Variants in KRT4 observed in about 807,000 individuals in gnomAD.
The protein encoded by KRT4 is keratin 4.
In KRT4, 47 loss-of-function variants were observed where a neutral mutation model predicts 50.6. That is an observed-to-expected ratio of 0.93 (90% CI 0.73 to 1.18). The LOEUF (loss-of-function observed/expected upper bound fraction) is 1.18. Among genes scored for constraint, KRT4 ranks in the 50% most tolerant of loss-of-function variants. The pLI is 0.00. For synonymous variants in KRT4, 254 were observed against 251.2 expected, an observed-to-expected ratio of 1.01 and a Z score of -0.10; for missense variants, 651 against 645.7, an observed-to-expected ratio of 1.01 and a Z score of -0.09.
At position 52,814,000 on chromosome 12, in the gene KRT4, G is replaced by A; in HGVS notation, c.59C>T (p.Ala20Val). 6.2e-7 allele frequency: 1 copy of A among 1,613,884 alleles called. No individual in the cohort carries two copies. Among genetic ancestry groups the A allele is most frequent in the African/African-American group, 1.3e-5 (1 of 75,030 alleles). ...ACCTCTCTTGCCACCGCCTACAATG[G>A]CCGAGCCACAGCTGAAGCCCCGGGG... is the stretch of plus-strand genomic sequence containing the variant. ...GGPRGFSCGSAIVGGGKRGAF... is the reference protein window; with the variant it reads ...GGPRGFSCGSVIVGGGKRGAF... Residue 20 changes from alanine to valine, a missense_variant, in exon 1 of 9, where the codon GCC becomes GTC. By Grantham distance (64) the Ala-to-Val change is moderately conservative (BLOSUM62 0). Coordinates refer to ENST00000551956, the MANE Select transcript of KRT4 (RefSeq NM_002272.4).
chr12:52,808,263 T>G (rs775265842), intron 6 of KRT4, 31 bp downstream of exon 6: 7 of 1,613,826 alleles, frequency 4.3e-6, no homozygotes, highest in Non-Finnish European at 4.2e-6. Context: ...CCCCTGGCCT[T>G]GTGCTCCATC....
At position 52,806,664 on chromosome 12, in the gene KRT4, C is replaced by T. The variant is rs886049638; in HGVS notation, c.*405G>A. 7.2e-6 allele frequency: 2 copies of T among 279,254 alleles called. No individual in the cohort carries two copies. Among genetic ancestry groups the T allele is most frequent in the South Asian group, 4.5e-5 (1 of 22,088 alleles). 17.3% of individuals were successfully genotyped at this position (279,254 alleles called of 1,614,324 possible). ...CTAAGCTTGCAGGGCCAAGTGCTGC[C>T]GGGTGTTGGAGAAGTAGTTTGGTTC... is the stretch of plus-strand genomic sequence containing the variant. On this transcript the variant is annotated 3_prime_UTR_variant, in exon 9 of 9. Coordinates refer to ENST00000551956, the MANE Select transcript of KRT4 (RefSeq NM_002272.4).
rs757841942 is a variant in KRT4, at chr12:52,806,973, C to A, written c.*96G>T. ...GTGGAGGGGATACTAGTAAGATGAGCCCCAGAGACAGAGGATGGAGGTGAA... is the reference window on the plus strand; with the variant it reads ...GTGGAGGGGATACTAGTAAGATGAGACCCAGAGACAGAGGATGGAGGTGAA... On this transcript the variant is annotated 3_prime_UTR_variant, in exon 9 of 9. Transcript: ENST00000551956. 1.3e-5 allele frequency: 16 copies of A among 1,192,776 alleles called. No individual in the cohort carries two copies. The highest frequency in any genetic ancestry group is 7.3e-5 in the Admixed American group (4 of 55,014). The allele number at this position is 1,192,776 out of a possible 1,614,324, so 73.9% of individuals were successfully genotyped here.
At chr12:52,811,453 C>T in intron 2 of KRT4, 1 of 371,888 alleles carries the variant, frequency 2.7e-6, no homozygotes, top group Non-Finnish European at 5.0e-6. Context: ...CAAACCACCT[C>T]CATCTGTCTC....
At chr12:52,812,071 C>G (rs1489768033) in intron 1 of KRT4, 94 bp from the exon 2 acceptor site, 4 of 994,168 alleles carry the variant, frequency 4.0e-6, no homozygotes, top group Non-Finnish European at 6.2e-6. Context: ...TCCCAGGGAA[C>G]TACACGGCCC....
At chr12:52,811,077 T>C in intron 2 of KRT4, 1 of 501,228 alleles carries the variant, frequency 2.0e-6, no homozygotes, top group Non-Finnish European at 3.6e-6. Flanking sequence ...AGCAATGATG[T>C]AGTTGATTTA....
At chr12:52,810,656 G>T in intron 3 of KRT4, 100 bp downstream of exon 3, 1 of 935,774 alleles carries the variant, frequency 1.1e-6, no homozygotes, top group Non-Finnish European at 1.8e-6. Context: ...GTGAAGCAGG[G>T]ATGAGGCAGA....
At chr12:52,812,712 G>T (rs1399953326) in intron 1 of KRT4, among the ~76,000 whole-genome samples, 1 of 152,204 alleles carries the variant, frequency 6.6e-6, no homozygotes, top group African/African-American at 2.4e-5. Context: ...CTGAGTTTTT[G>T]CTATCACATC....
At chr12:52,809,263 G>T in intron 4 of KRT4, 120 bp downstream of exon 4, 1 of 804,734 alleles carries the variant, frequency 1.2e-6, no homozygotes, top group Non-Finnish European at 2.2e-6. Context: ...ACCTTGATGA[G>T]AACCCACTGC....
rs1179060651 is a variant in KRT4 at position 52,807,029 on chromosome 12, G to A, written c.*40C>T. ...GGAAGCACAGAGACACCAGTGCTGG[G>A]CCCAGCTGGACACAGTGAGCTGCAG... On this transcript the variant is annotated 3_prime_UTR_variant, in exon 9 of 9. Transcript: ENST00000551956. The A allele has an allele frequency of 2.5e-6, 4 of 1,599,992 alleles. No individual in the cohort carries two copies. Among genetic ancestry groups the A allele is most frequent in the East Asian group, 4.5e-5 (2 of 44,808 alleles).
At position 52,812,983 on chromosome 12, in the gene KRT4, T is replaced by C. The variant is rs191509859; in HGVS notation, c.462+614A>G. ...CACTATCATCCATCATGCATGACCA[T>C]AACTGAGCTTAAAGAACTTGAACTT... On this transcript the variant is annotated intron_variant, in intron 1 of 8. Coordinates refer to ENST00000551956, the MANE Select transcript of KRT4 (RefSeq NM_002272.4). 6.3e-4 allele frequency among the ~76,000 whole-genome samples: 96 copies of C among 152,244 alleles called. 1 individual carries two copies. The highest frequency in any genetic ancestry group is 2.2e-3 in the African/African-American group (90 of 41,554).
At chr12:52,812,067 G>A in intron 1 of KRT4, 90 bp from the exon 2 acceptor site, 2 of 1,016,192 alleles carry the variant, frequency 2.0e-6, no homozygotes, top group Non-Finnish European at 3.0e-6. Flanking sequence ...TCAATCCCAG[G>A]GAACTACACG....
chr12:52,809,324 G>T, intron 4 of KRT4, 59 bp downstream of exon 4: 1 of 1,291,000 alleles, frequency 7.7e-7, no homozygotes, highest in Non-Finnish European at 1.1e-6. Flanking sequence ...ATCCCAACCA[G>T]CAGCGTCACA....
chr12:52,813,458 C>T (rs910518953), intron 1 of KRT4, 139 bp downstream of exon 1: 12 of 768,130 alleles, frequency 1.6e-5, no homozygotes, highest in East Asian at 2.4e-5. Flanking sequence ...AGTCATGATG[C>T]CCCTTCAACA....
Position 52,809,472 on chromosome 12 carries a change from C to T in KRT4, c.745G>A (p.Asp249Asn), listed in dbSNP as rs903155273. 12 of 1,612,766 alleles carry T rather than the reference C, an allele frequency of 7.4e-6. No homozygotes were observed. Among genetic ancestry groups the T allele is most frequent in the Non-Finnish European group, 1.0e-5 (12 of 1,178,734 alleles). Residue 249 changes from aspartate to asparagine, a missense_variant, in exon 4 of 9, where the codon GAT becomes AAT. Coordinates refer to ENST00000551956, the MANE Select transcript of KRT4 (RefSeq NM_002272.4). Reference sequence around the variant, plus strand: ...TCCACCTTGTTCAGGTAGGCAGCATCCACGTCCTGCAGAGGAGTAAGGAGG... The same window carrying T: ...TCCACCTTGTTCAGGTAGGCAGCATTCACGTCCTGCAGAGGAGTAAGGAGG... ...NDFVVLKKDVDAAYLNKVELE... is the reference protein window; with the variant it reads ...NDFVVLKKDVNAAYLNKVELE...
intron 2 of KRT4, 45 bp from the exon 3 acceptor site, chr12:52,810,861 C>A: frequency 6.7e-7 from 1 of 1,494,552 alleles, no homozygotes; most frequent in Non-Finnish European, 9.3e-7. Flanking sequence ...CCACAGTGAG[C>A]TGGTGTTTCT....
chr12:52,813,950 C>T lies in KRT4; in HGVS notation c.109G>A (p.Gly37Arg). 2.5e-6 allele frequency: 4 copies of T among 1,614,214 alleles called. No individual in the cohort carries two copies. The highest frequency in any genetic ancestry group is 3.4e-6 in the Non-Finnish European group (4 of 1,180,046). Residue 37 changes from glycine (G) to arginine (R), a missense_variant, in exon 1 of 9, where the codon GGA becomes AGA. Physicochemically the swap from Gly to Arg is moderately radical, Grantham distance 125 (BLOSUM62 -2). Coordinates refer to ENST00000551956, the MANE Select transcript of KRT4 (RefSeq NM_002272.4). ...RGAFSSVSMS[G>R]GAGRCSSGGF... ...CCAGAAGAGCATCGGCCAGCACCTC[C>T]AGACATGGAGACTGAGCTGAAGGCA...
intron 1 of KRT4, among the ~76,000 whole-genome samples, chr12:52,812,309 ATT>A (rs1376250234): frequency 6.6e-6 from 1 of 152,216 alleles, no homozygotes; most frequent in African/African-American, 2.4e-5. Flanking sequence ...ACAAAATAAA[ATT>A]AAGAGACATC....
intron 1 of KRT4, 120 bp from the exon 2 acceptor site, chr12:52,812,097 A>T: frequency 2.6e-6 from 2 of 762,820 alleles, no homozygotes; most frequent in Non-Finnish European, 4.6e-6. Context: ...CCACCCAAGT[A>T]GGGCCACTAT....
Sources: gnomAD v4.1 joint callset for allele counts (sites outside exome capture counted in the v4.1 genomes callset) on GRCh38, gnomAD v4.1.1 for gene constraint, MANE v1.5 for transcripts, NCBI Gene and HGNC (gene_info 2026-07-23, HGNC 2026-07-21) for gene names.